C21orf58: variants seen among roughly 807,000 people sequenced by gnomAD.
C21orf58 encodes uncharacterized protein C21orf58.
C21orf58 carries 34 observed loss-of-function variants against 35.8 expected under a neutral mutation model. The observed-to-expected ratio is 0.95, with a 90% CI of 0.72 to 1.26. C21orf58 has a LOEUF of 1.26. Among genes scored for constraint, C21orf58 ranks in the 50% most tolerant of loss-of-function variants. C21orf58 has a pLI of 0.00. For missense variants in C21orf58, 440 were observed against 414.3 expected (o/e 1.06, Z -0.54); for synonymous variants, 191 against 175.8 (o/e 1.09, Z -0.68).
At position 46,302,559 on chromosome 21, in the gene C21orf58, G is replaced by C; in HGVS notation, c.739C>G (p.Leu247Val). 6.2e-7 allele frequency: 1 copy of C among 1,612,136 alleles called. No individual in the cohort carries two copies. Among genetic ancestry groups the C allele is most frequent in the Non-Finnish European group, 8.5e-7 (1 of 1,179,106 alleles). Reference protein sequence around the residue: ...SIKEDMVELLLLQNAQVHQLV... With the variant: ...SIKEDMVELLVLQNAQVHQLV... ...TGGTGCACCTGTGCGTTCTGCAGCA[G>C]CAGCAGCTCCACCATGTCTGCAGGG... Residue 247 changes from leucine to valine, a missense_variant, in exon 7 of 8, where the codon CTG becomes GTG. Physicochemically the swap from Leu to Val is conservative, Grantham distance 32 (BLOSUM62 1). Coordinates refer to ENST00000291691, the MANE Select transcript of C21orf58 (RefSeq NM_058180.5).
intron 1 of C21orf58, among the ~76,000 whole-genome samples, chr21:46,321,722 A>G (rs567769045): frequency 3.6e-4 from 55 of 152,256 alleles, no homozygotes; most frequent in South Asian, 1.9e-3. Context: ...TGTGAGGCTG[A>G]CCTGCGTCAC....
intron 5 of C21orf58, among the ~76,000 whole-genome samples, chr21:46,312,282 A>G (rs994843062): frequency 6.6e-6 from 1 of 152,000 alleles, no homozygotes; most frequent in Non-Finnish European, 1.5e-5. Context: ...GGTTCCACCA[A>G]TTCTGCTTTA....
At position 46,302,117 on chromosome 21, in the gene C21orf58, G is replaced by C. The variant is rs748817244; in HGVS notation, c.851C>G (p.Ala284Gly). 240 of 1,523,038 alleles carry C rather than the reference G, an allele frequency of 1.6e-4. No homozygotes were observed. Among genetic ancestry groups the C allele is most frequent in the Non-Finnish European group, 2.0e-4 (225 of 1,135,074 alleles). 94.3% of individuals were successfully genotyped at this position (1,523,038 alleles called of 1,614,324 possible). A position where few individuals can be genotyped will look rare whatever the true frequency, so the allele number is the denominator to read the frequency against. Residue 284 changes from alanine to glycine, a missense_variant, in exon 8 of 8, where the codon GCC becomes GGC. Ala to Gly is a moderately conservative substitution (Grantham distance 60). Coordinates refer to ENST00000291691, the MANE Select transcript of C21orf58 (RefSeq NM_058180.5). The stretch of plus-strand genomic sequence containing the variant: ...GTGCACGGCAGGCAGCCTTGGCCTG[G>C]CAGCTCGTGGGACCCTCGGGGGCAC... ...PHVPPRVPRA[A>G]RPRLPAVHHH...
downstream of C21orf58, chr21:46,300,845 C>G (rs1477325236): frequency 1.7e-6 from 2 of 1,162,608 alleles, no homozygotes; most frequent in Non-Finnish European, 2.2e-6. Context: ...AATATGTAAA[C>G]AACATTAAAA....
Position 46,303,745 on chromosome 21 carries a change from ATTTTTTTT to A in C21orf58, c.722-1177_722-1170del, listed in dbSNP as rs869177693. ...TATATATATATATATATATATATAT[ATTTTTTTT>A]TTTTTTTTTTTTTTTGGAGACAGAG... On this transcript the variant is annotated intron_variant, in intron 6 of 7. Transcript: ENST00000291691. Among the ~76,000 whole-genome samples, 215 of 23,680 alleles carry A rather than the reference ATTTTTTTT, an allele frequency of 9.1e-3. 2 individuals carry two copies. Among genetic ancestry groups the A allele is most frequent in the South Asian group, 0.014 (6 of 436 alleles). 15.5% of individuals were successfully genotyped at this position (23,680 alleles called of 152,430 possible).
intron 2 of C21orf58, among the ~76,000 whole-genome samples, chr21:46,317,753 G>A (rs932494293): frequency 3.3e-5 from 5 of 152,232 alleles, no homozygotes; most frequent in African/African-American, 4.8e-5. Flanking sequence ...CAGGCAGGGG[G>A]TGCAGAGGTG....
Position 46,314,831 on chromosome 21 carries a change from G to T in C21orf58, c.494C>A (p.Pro165Gln). The change falls in exon 5 of 8, where the codon CCA becomes CAA. Residue 165 changes from proline (P) to glutamine (Q), a missense_variant. Coordinates refer to ENST00000291691, the MANE Select transcript of C21orf58 (RefSeq NM_058180.5). ...GGCTGACCCGAGGGCTCCTCTGCTTGGCCCGCTCCAGGCCTGGGCCCGAGA... is the reference window on the plus strand; with the variant it reads ...GGCTGACCCGAGGGCTCCTCTGCTTTGCCCGCTCCAGGCCTGGGCCCGAGA... ...ELSRAQAWSG[P>Q]SRGALGSALP... 1 of 1,549,948 alleles carries T rather than the reference G, an allele frequency of 6.5e-7. No individual in the cohort carries two copies. Among genetic ancestry groups the T allele is most frequent in the Non-Finnish European group, 8.7e-7 (1 of 1,146,590 alleles).
intron 6 of C21orf58, among the ~76,000 whole-genome samples, chr21:46,303,700 AC>A (rs2082229727): frequency 1.4e-4 from 15 of 105,566 alleles, no homozygotes; most frequent in Non-Finnish European, 2.3e-4. Flanking sequence ...ACACACACAC[AC>A]ACACAAAATA....
intron 1 of C21orf58, chr21:46,322,356 C>T: frequency 1.3e-6 from 1 of 745,252 alleles, no homozygotes; most frequent in Non-Finnish European, 1.6e-6. Context: ...TCTAGGATGT[C>T]CACAGAAACG....
intron 6 of C21orf58, among the ~76,000 whole-genome samples, chr21:46,309,926 G>A (rs570986429): frequency 1.3e-5 from 2 of 152,208 alleles, no homozygotes; most frequent in Admixed American, 1.3e-4. Context: ...AACCTGGAGG[G>A]GCAGAGGTTG....
intron 6 of C21orf58, among the ~76,000 whole-genome samples, chr21:46,303,455 C>T (rs530923601): frequency 6.6e-6 from 1 of 151,644 alleles, no homozygotes; most frequent in African/African-American, 2.4e-5. Flanking sequence ...GGGCTCATTA[C>T]AGAAATTATA....
At chr21:46,315,027 G>C in intron 4 of C21orf58, 147 bp from the exon 5 acceptor site, 1 of 1,543,566 alleles carries the variant, frequency 6.5e-7, no homozygotes, top group Non-Finnish European at 8.7e-7. Context: ...CCCTTCCAGG[G>C]TTATGTGCAT....
intron 1 of C21orf58, chr21:46,322,348 T>C: frequency 1.5e-6 from 1 of 647,030 alleles, no homozygotes; most frequent in Non-Finnish European, 1.9e-6. Flanking sequence ...AGAACCTCTC[T>C]AGGATGTCCA....
rs1601720663 is a variant in C21orf58 at position 46,323,740 on chromosome 21, G to A, written c.-1002C>T. The A allele has an allele frequency of 9.1e-6, 2 of 219,314 alleles. No individual in the cohort carries two copies. The highest frequency in any genetic ancestry group is 2.7e-4 in the East Asian group (2 of 7,432). The allele number at this position is 219,314 out of a possible 1,614,324, so 13.6% of individuals were successfully genotyped here. On this transcript the variant is annotated 5_prime_UTR_variant, in exon 1 of 8. Coordinates refer to ENST00000291691, the MANE Select transcript of C21orf58 (RefSeq NM_058180.5). ...GACTAATGCCTGAGCGGGAGAAAAC[G>A]GCCTGGCCCTGTCCGGGTGGTTGCT...
At position 46,318,390 on chromosome 21, in the gene C21orf58, TC is replaced by T. The variant is rs1165737264; in HGVS notation, c.101-171del. On this transcript the variant is annotated intron_variant, in intron 1 of 7. Coordinates refer to ENST00000291691, the MANE Select transcript of C21orf58 (RefSeq NM_058180.5). ...TCCTCAGGCTACCGGTAAACACTCA[TC>T]CCCAGGTGTGGCCAGCTGGGCTTCA... The T allele has an allele frequency of 2.1e-6, 3 of 1,436,284 alleles. No individual in the cohort carries two copies. The Admixed American group carries it at 8.3e-5, about 40-fold the overall frequency. 89.0% of individuals were successfully genotyped at this position (1,436,284 alleles called of 1,614,324 possible).
intron 1 of C21orf58, chr21:46,318,537 T>C: frequency 8.0e-7 from 1 of 1,254,448 alleles, no homozygotes. Context: ...GAAGAACCTG[T>C]GTGTCAGGGG....
intron 1 of C21orf58, among the ~76,000 whole-genome samples, chr21:46,322,002 A>G (rs1307648814): frequency 6.6e-6 from 1 of 150,530 alleles, no homozygotes; most frequent in African/African-American, 2.5e-5. Flanking sequence ...TTTAAAATGA[A>G]TTGAGGCTGG....
chr21:46,311,477 G>A lies in C21orf58; in HGVS notation c.700C>T (p.Arg234Trp), dbSNP rs138995738. ...TTACCTTCCTTAATACTTCCTGACC[G>A]TTGAGTAGGGAAGGCCTGGGGAGGA... The part of the protein sequence containing the change: ...IPPPQAFPTQ[R>W]SGSIKEDMVE... The change falls in exon 6 of 8, where the codon CGG becomes TGG. Residue 234 changes from arginine (R) to tryptophan (W), a missense_variant. By Grantham distance (101) the Arg-to-Trp change is moderately radical. Coordinates refer to ENST00000291691, the MANE Select transcript of C21orf58 (RefSeq NM_058180.5). The A allele has an allele frequency of 2.8e-5, 45 of 1,602,604 alleles. No individual in the cohort carries two copies. Among genetic ancestry groups the A allele is most frequent in the African/African-American group, 1.2e-4 (9 of 74,736 alleles).
At chr21:46,300,748 G>C, downstream of C21orf58, 1 of 1,289,196 alleles carries the variant, frequency 7.8e-7, no homozygotes, top group Non-Finnish European at 1.0e-6. Context: ...GAAGCACTGG[G>C]ACAGGGTTCC....
Sources: allele counts gnomAD v4.1 joint callset (sites outside exome capture counted in the v4.1 genomes callset), GRCh38; gene constraint gnomAD v4.1.1; transcripts MANE v1.5; gene names NCBI Gene and HGNC (gene_info 2026-07-23, HGNC 2026-07-21).